DAPK1: variants seen among roughly 807,000 people sequenced by gnomAD.
DAPK1 encodes the protein death associated protein kinase 1.
In DAPK1, 56 loss-of-function variants were observed where a neutral mutation model predicts 144.9. The ratio of observed to expected loss-of-function variants is 0.39; its 90% CI spans 0.31 to 0.48. The LOEUF is 0.48. Ranked by LOEUF, DAPK1 falls within the 20% of genes least tolerant of loss-of-function variation. The pLI is 0.95. For synonymous variants in DAPK1, 690 were observed against 749.0 expected (o/e 0.92, Z 1.29); for missense variants, 1,454 against 1,875.4 (o/e 0.78, Z 4.15).
chr9:87,525,344 G>A (rs1032767856), intron 2 of DAPK1: 10 of 1,611,134 alleles, frequency 6.2e-6, no homozygotes, highest in East Asian at 2.2e-5. Flanking sequence ...GCGAAAATTC[G>A]GCCAGGGTTC....
chr9:87,534,801 C>T (rs997036508), intron 2 of DAPK1, among the ~76,000 whole-genome samples: 3 of 151,960 alleles, frequency 2.0e-5, no homozygotes, highest in East Asian at 1.9e-4. Context: ...CGTGCCACCA[C>T]GCCTGGCTAA....
chr9:87,594,435 C>T (rs943491400), intron 2 of DAPK1, among the ~76,000 whole-genome samples: 6 of 152,190 alleles, frequency 3.9e-5, no homozygotes, highest in East Asian at 1.9e-4. Flanking sequence ...GTTGCACTGA[C>T]GTGTCTTGTT....
chr9:87,542,467 C>G (rs1826090400), intron 2 of DAPK1, among the ~76,000 whole-genome samples: 1 of 152,190 alleles, frequency 6.6e-6, no homozygotes, highest in South Asian at 2.1e-4. Flanking sequence ...TTCAGTGTGA[C>G]ACTGTAACCA....
intron 18 of DAPK1, among the ~76,000 whole-genome samples, chr9:87,664,883 C>T (rs1187202362): frequency 6.6e-6 from 1 of 152,232 alleles, no homozygotes; most frequent in East Asian, 1.9e-4. Flanking sequence ...TCCGCCTCCT[C>T]CCGTCTCCCT....
chr9:87,686,837 C>A lies in DAPK1; in HGVS notation c.2413+98C>A. The stretch of plus-strand genomic sequence containing the variant: ...AGCTTGTCCTGAGCTGTATCTGTCA[C>A]TTCCAGAAGGAAATCCAACACAGAC... On this transcript the variant is annotated intron_variant, in intron 21 of 25. Coordinates refer to ENST00000408954, the MANE Select transcript of DAPK1 (RefSeq NM_004938.4). This position sits in a 1 kb window ranked among gnomAD's most constrained non-coding sequence, Gnocchi z 4.2. The A allele has an allele frequency of 2.1e-6, 3 of 1,410,870 alleles. No homozygotes were observed. The highest frequency in any genetic ancestry group is 2.8e-6 in the Non-Finnish European group (3 of 1,055,860). The allele number at this position is 1,410,870 out of a possible 1,614,324, so 87.4% of individuals were successfully genotyped here. A position where few individuals can be genotyped will look rare whatever the true frequency, so the allele number is the denominator to read the frequency against.
At chr9:87,554,606 T>G (rs1424570951) in intron 2 of DAPK1, 1 of 152,178 alleles carries the variant, frequency 6.6e-6, no homozygotes, top group African/African-American at 2.4e-5. Context: ...CTCTCCACAG[T>G]AGGACTTAGG....
intron 20 of DAPK1, among the ~76,000 whole-genome samples, chr9:87,683,105 T>TG (rs1452012495): frequency 2.7e-5 from 4 of 150,726 alleles, no homozygotes; most frequent in Admixed American, 6.6e-5. Flanking sequence ...TTTTTTGAGA[T>TG]GGAGTCTCGC....
chr9:87,542,158 T>C (rs1199331553), intron 2 of DAPK1, among the ~76,000 whole-genome samples: 1 of 152,220 alleles, frequency 6.6e-6, no homozygotes, highest in Non-Finnish European at 1.5e-5. Flanking sequence ...TTCATAATGA[T>C]TTAGCTCAAT....
chr9:87,645,451 T>C (rs1333067779), intron 11 of DAPK1, among the ~76,000 whole-genome samples: 2 of 152,186 alleles, frequency 1.3e-5, no homozygotes, highest in African/African-American at 4.8e-5. Flanking sequence ...ATTGGAAAAA[T>C]TGCAAATTGA....
intron 3 of DAPK1, among the ~76,000 whole-genome samples, chr9:87,610,336 G>A (rs922576348): frequency 6.6e-6 from 1 of 152,194 alleles, no homozygotes; most frequent in East Asian, 1.9e-4. Flanking sequence ...TCTTCTTACT[G>A]TGTTGCAGCT....
chr9:87,571,527 A>ACACACACACACACACACC lies in DAPK1; in HGVS notation c.63-33426_63-33425insACACACACACACACACCC, dbSNP rs1554684291. Among the ~76,000 whole-genome samples the ACACACACACACACACACC allele has an allele frequency of 6.4e-5, 9 of 141,384 alleles. 1 individual carries two copies. In the South Asian group the frequency reaches 9.0e-4, roughly 14 times the overall value. The allele number at this position is 141,384 out of a possible 152,430, so 92.8% of individuals were successfully genotyped here. A position where few individuals can be genotyped will look rare whatever the true frequency, so the allele number is the denominator to read the frequency against. ...CACACACACACACACACACACACAC[A>ACACACACACACACACACC]CCAGAAGCGAAGCAGGCGGAGAGGG... On this transcript the variant is annotated intron_variant, in intron 2 of 25. Coordinates refer to ENST00000408954, the MANE Select transcript of DAPK1 (RefSeq NM_004938.4).
chr9:87,565,378 G>A (rs755759941), intron 2 of DAPK1, among the ~76,000 whole-genome samples: 1 of 152,196 alleles, frequency 6.6e-6, no homozygotes, highest in Non-Finnish European at 1.5e-5. Context: ...ACTTGAGGAT[G>A]CAGCTCTCAG....
At chr9:87,660,354 C>A (rs1830799340) in intron 18 of DAPK1, among the ~76,000 whole-genome samples, 1 of 151,992 alleles carries the variant, frequency 6.6e-6, no homozygotes, top group Non-Finnish European at 1.5e-5. Context: ...CGTGACCACA[C>A]CACATCCCTC....
At chr9:87,651,855 G>A in intron 17 of DAPK1, 131 bp downstream of exon 17, 1 of 696,640 alleles carries the variant, frequency 1.4e-6, no homozygotes, top group East Asian at 2.8e-5. Flanking sequence ...CCCGGGTCCT[G>A]ATTCTGTGTC....
At chr9:87,658,182 T>G in intron 18 of DAPK1, 55 bp downstream of exon 18, 1 of 729,718 alleles carries the variant, frequency 1.4e-6, no homozygotes, top group Non-Finnish European at 2.5e-6. Context: ...CTCTGGCGCC[T>G]CCAGGGCAGG....
chr9:87,569,782 T>A (rs1827266876), intron 2 of DAPK1, among the ~76,000 whole-genome samples: 1 of 152,200 alleles, frequency 6.6e-6, no homozygotes, highest in Admixed American at 6.5e-5. Context: ...GAAGGGTGGT[T>A]TATAGAAGTG....
rs755162039 is a variant in DAPK1 at position 87,681,410 on chromosome 9, C to T, written c.2008C>T (p.His670Tyr). The T allele has an allele frequency of 1.9e-6, 3 of 1,589,998 alleles. No homozygotes were observed. The highest frequency in any genetic ancestry group is 2.2e-5 in the East Asian group (1 of 44,792). ...CTTTCTCATCCATGCTCAGGATACG[C>T]ACCGAGGACTCTTCATCCAGCAGCT... ...GLLARLRKDTHRGLFIQQLRP... is the reference protein window; with the variant it reads ...GLLARLRKDTYRGLFIQQLRP... The change falls in exon 20 of 26, where the codon CAC becomes TAC. Residue 670 changes from histidine to tyrosine, a missense_variant. Around this residue, in one of 2 missense-constraint regions of DAPK1, gnomAD observed 1,025 missense variants for 1,237.9 expected, o/e 0.83. Transcript: ENST00000408954.
intron 2 of DAPK1, among the ~76,000 whole-genome samples, chr9:87,518,202 C>T (rs377235667): frequency 2.5e-4 from 38 of 150,472 alleles, no homozygotes; most frequent in African/African-American, 9.3e-4. Flanking sequence ...ACCTCCACCT[C>T]CCGGGTTCAA....
chr9:87,703,661 A>G (rs1825535770), intron 25 of DAPK1, among the ~76,000 whole-genome samples: 1 of 152,176 alleles, frequency 6.6e-6, no homozygotes, highest in Non-Finnish European at 1.5e-5. Context: ...TGTGGAGGCA[A>G]TGTCTGGAGA....
Sources: allele counts gnomAD v4.1 joint callset (sites outside exome capture counted in the v4.1 genomes callset), GRCh38; gene constraint gnomAD v4.1.1; regional missense constraint gnomAD v4.1.1; non-coding constraint Gnocchi (gnomAD v3.1); transcripts MANE v1.5; gene names NCBI Gene and HGNC (gene_info 2026-07-23, HGNC 2026-07-21).